Variants in TBC1D4 observed in about 807,000 individuals in gnomAD.
The protein encoded by TBC1D4 is TBC (Tre-2, BUB2, CDC16) domain-containing protein.
A neutral mutation model predicts 142.5 loss-of-function variants in TBC1D4; 121 were observed. The ratio of observed to expected loss-of-function variants is 0.85; its 90% confidence interval spans 0.73 to 0.99. The LOEUF is 0.99. Ranked by LOEUF, TBC1D4 falls within the 50% of genes least tolerant of loss-of-function variation. TBC1D4 has a pLI of 0.00. For missense variants in TBC1D4, 1,475 were observed against 1,606.6 expected (o/e 0.92, Z 1.40); for synonymous variants, 630 against 628.2 (o/e 1.00, Z -0.04).
At chr13:75,415,584 A>T (rs553714933) in intron 1 of TBC1D4, among the ~76,000 whole-genome samples, 1 of 152,170 alleles carries the variant, frequency 6.6e-6, no homozygotes, top group Non-Finnish European at 1.5e-5. Context: ...CACTAATCCA[A>T]ACTGATTCTG....
At chr13:75,319,881 T>C (rs1033270325) in intron 12 of TBC1D4, 133 bp downstream of exon 12, 5 of 848,390 alleles carry the variant, frequency 5.9e-6, no homozygotes, top group African/African-American at 1.7e-5. Flanking sequence ...CCCTACTATA[T>C]AGCCCTCAGA....
Position 75,405,269 on chromosome 13 carries a change from C to T in TBC1D4, c.499-42662G>A, listed in dbSNP as rs1423769319. Among the ~76,000 whole-genome samples, 9 of 126,900 alleles carry T rather than the reference C, an allele frequency of 7.1e-5. 1 individual carries two copies. The highest frequency in any genetic ancestry group is 8.8e-5 in the African/African-American group (3 of 34,074). The allele number at this position is 126,900 out of a possible 152,430, so 83.3% of individuals were successfully genotyped here. On this transcript the variant is annotated intron_variant, in intron 1 of 20. Transcript: ENST00000377636. The stretch of plus-strand genomic sequence containing the variant: ...GTGTGTATATATACATGTATATATG[C>T]TTTTTTTTTTTTTTTTGGAGAGATG...
At chr13:75,470,750 C>A (rs1888362576) in intron 1 of TBC1D4, among the ~76,000 whole-genome samples, 1 of 152,080 alleles carries the variant, frequency 6.6e-6, no homozygotes, top group Non-Finnish European at 1.5e-5. Context: ...CTTTGGGAGG[C>A]CAAGGCAGGT....
Position 75,433,194 on chromosome 13 carries a change from A to T in TBC1D4, c.498+48076T>A, listed in dbSNP as rs373587304. Among the ~76,000 whole-genome samples, 56 of 152,308 alleles carry T rather than the reference A, an allele frequency of 3.7e-4. 2 individuals are homozygous for T. In the East Asian group the frequency reaches 6.6e-3, roughly 18 times the overall value. On this transcript the variant is annotated intron_variant, in intron 1 of 20. Transcript: ENST00000377636. ...ACCCACGTACTGCCACTCATTCATC[A>T]GATCCATCTCAGGTGCCAGTGGCAT...
intron 1 of TBC1D4, among the ~76,000 whole-genome samples, chr13:75,430,480 C>T (rs951827725): frequency 3.3e-5 from 5 of 152,220 alleles, no homozygotes; most frequent in African/African-American, 9.7e-5. Flanking sequence ...ATATCTGTAT[C>T]TTCTTTCCAA....
chr13:75,325,896 C>T (rs1879192060), intron 10 of TBC1D4, among the ~76,000 whole-genome samples: 1 of 152,166 alleles, frequency 6.6e-6, no homozygotes, highest in South Asian at 2.1e-4. Context: ...CATCAAGACA[C>T]TGCGTAACGT....
chr13:75,302,614 A>T (rs1876694248), intron 15 of TBC1D4: 1 of 602,834 alleles, frequency 1.7e-6, no homozygotes, highest in African/African-American at 1.9e-5. Flanking sequence ...CGCAACACTT[A>T]CGATAATGAC....
intron 1 of TBC1D4, among the ~76,000 whole-genome samples, chr13:75,474,015 A>G (rs1007611002): frequency 1.3e-5 from 2 of 152,234 alleles, no homozygotes; most frequent in African/African-American, 4.8e-5. Flanking sequence ...ACTAAATCAA[A>G]GGTACACCAG....
chr13:75,351,380 G>T (rs1158273132), intron 4 of TBC1D4, among the ~76,000 whole-genome samples: 1 of 151,000 alleles, frequency 6.6e-6, no homozygotes, highest in African/African-American at 2.4e-5. Context: ...ATTTTTTTGG[G>T]GGGGTATATA....
At chr13:75,448,064 G>GA (rs1397220611) in intron 1 of TBC1D4, among the ~76,000 whole-genome samples, 1 of 152,138 alleles carries the variant, frequency 6.6e-6, no homozygotes, top group Non-Finnish European at 1.5e-5. Context: ...CCAGTCCACA[G>GA]AAAAATTATC....
intron 19 of TBC1D4, among the ~76,000 whole-genome samples, chr13:75,289,875 T>C (rs901799724): frequency 6.6e-6 from 1 of 152,186 alleles, no homozygotes; most frequent in Non-Finnish European, 1.5e-5. Context: ...ATGGTGTCTA[T>C]ACTAACACTG....
Position 75,306,409 on chromosome 13 carries a change from G to C in TBC1D4, c.2656C>G (p.Gln886Glu), listed in dbSNP as rs1234541315. ...KLDYEEVGACQKEVLITWDKK... is the reference protein window; with the variant it reads ...KLDYEEVGACEKEVLITWDKK... ...TCCCAAGTTATTAAGACCTCTTTCT[G>C]ACATGCACCAACTTCTTCATAGTCT... Residue 886 changes from glutamine (Q) to glutamate (E), a missense_variant, in exon 15 of 21, where the codon CAG becomes GAG. Coordinates refer to ENST00000377636, the MANE Select transcript of TBC1D4 (RefSeq NM_014832.5). 1 of 1,613,404 alleles carries C rather than the reference G, an allele frequency of 6.2e-7. No individual in the cohort carries two copies. Among genetic ancestry groups the C allele is most frequent in the Non-Finnish European group, 8.5e-7 (1 of 1,179,872 alleles).
At chr13:75,454,025 A>ATT (rs71127543) in intron 1 of TBC1D4, among the ~76,000 whole-genome samples, 4 of 146,482 alleles carry the variant, frequency 2.7e-5, no homozygotes, top group Non-Finnish European at 4.5e-5. Context: ...ATAAATCTCT[A>ATT]TTTTTTTTTT....
chr13:75,439,556 G>C (rs1283710313), intron 1 of TBC1D4, among the ~76,000 whole-genome samples: 2 of 152,100 alleles, frequency 1.3e-5, no homozygotes, highest in Admixed American at 1.3e-4. Context: ...ACTTATTCTT[G>C]CTTAGAATAT....
intron 1 of TBC1D4, among the ~76,000 whole-genome samples, chr13:75,370,905 T>C (rs934039335): frequency 2.6e-5 from 4 of 151,896 alleles, no homozygotes; most frequent in Admixed American, 2.0e-4. Context: ...GACAGAGACA[T>C]AGACAGCTAG....
intron 1 of TBC1D4, among the ~76,000 whole-genome samples, chr13:75,454,011 T>C (rs1197933701): frequency 1.4e-5 from 2 of 144,356 alleles, no homozygotes; most frequent in Non-Finnish European, 3.0e-5. Flanking sequence ...TAATCCATCC[T>C]GTAATAAATC....
chr13:75,386,563 T>C (rs1884184809), intron 1 of TBC1D4, among the ~76,000 whole-genome samples: 1 of 152,046 alleles, frequency 6.6e-6, no homozygotes, highest in Non-Finnish European at 1.5e-5. Context: ...TAATTTTTTG[T>C]ATTTTTAATA....
intron 3 of TBC1D4, among the ~76,000 whole-genome samples, chr13:75,357,266 A>C (rs1882127416): frequency 6.6e-6 from 1 of 152,208 alleles, no homozygotes; most frequent in Non-Finnish European, 1.5e-5. Flanking sequence ...AAAGGAAATC[A>C]ATTCCTGTAA....
intron 8 of TBC1D4, among the ~76,000 whole-genome samples, chr13:75,328,761 TC>T (rs1257948410): frequency 1.3e-5 from 2 of 152,186 alleles, no homozygotes; most frequent in African/African-American, 4.8e-5. Context: ...CATAGTACTT[TC>T]CAGGCTTCGA....
Sources: allele counts gnomAD v4.1 joint callset (sites outside exome capture counted in the v4.1 genomes callset), GRCh38; gene constraint gnomAD v4.1.1; transcripts MANE v1.5; gene names NCBI Gene and HGNC (gene_info 2026-07-23, HGNC 2026-07-21).